Variants in KDM4B observed in about 807,000 individuals in gnomAD.
The protein encoded by KDM4B is lysine-specific demethylase 4B.
KDM4B carries 32 observed loss-of-function variants against 125.2 expected under a neutral mutation model. The observed-to-expected ratio is 0.26, with a 90% CI of 0.19 to 0.34. KDM4B has a LOEUF of 0.34. Ranked by LOEUF, KDM4B falls within the 10% of genes least tolerant of loss-of-function variation. The pLI, the probability that KDM4B is intolerant of heterozygous loss-of-function variation, is 1.00. For synonymous variants in KDM4B, 721 were observed against 677.9 expected (o/e 1.06, Z -0.99); for missense variants, 1,190 against 1,577.7 (o/e 0.75, Z 4.16).
intron 5 of KDM4B, among the ~76,000 whole-genome samples, chr19:5,043,935 G>C (rs2036932989): frequency 1.5e-5 from 2 of 129,106 alleles, no homozygotes; most frequent in Non-Finnish European, 1.7e-5. Context: ...TTATCGGAGT[G>C]GGGGTGTCCA....
intron 1 of KDM4B, among the ~76,000 whole-genome samples, chr19:4,994,020 GTTTT>G (rs55641886): frequency 1.5e-5 from 1 of 66,704 alleles, no homozygotes; most frequent in Non-Finnish European, 2.7e-5. Flanking sequence ...TTTTCAGCCT[GTTTT>G]TTTTTTTTTT....
chr19:5,008,167 C>T (rs2035618439), intron 1 of KDM4B, among the ~76,000 whole-genome samples: 1 of 152,148 alleles, frequency 6.6e-6, no homozygotes, highest in African/African-American at 2.4e-5. Context: ...AGATCTATGA[C>T]CTATTTGGAA....
In KDM4B at chr19:5,144,317, C is replaced by T. The variant is rs748729128; in HGVS notation, c.2806C>T (p.Arg936Cys). 1.3e-5 allele frequency: 21 copies of T among 1,586,222 alleles called. No homozygotes were observed. The highest frequency in any genetic ancestry group is 5.4e-5 in the African/African-American group (4 of 74,416). The change falls in exon 20 of 23, where the codon CGC becomes TGC. Residue 936 changes from arginine to cysteine, a missense_variant. Coordinates refer to ENST00000159111, the MANE Select transcript of KDM4B (RefSeq NM_015015.3). ...ITKNRNGLYY[R>C]CRVIGAASQT... is the part of the protein sequence containing the mutation. ...CAAGAACCGCAACGGGCTGTACTAC[C>T]GCTGTCGCGTCATCGGTGCCGCCTC...
chr19:5,041,982 A>C (rs1426245162), intron 5 of KDM4B, among the ~76,000 whole-genome samples: 1 of 152,146 alleles, frequency 6.6e-6, no homozygotes, highest in Non-Finnish European at 1.5e-5. Flanking sequence ...GACACGGAGG[A>C]TTCTGTTCAG....
At position 5,047,345 on chromosome 19, in the gene KDM4B, G is replaced by T. The variant is rs2037058169; in HGVS notation, c.433-131G>T. Reference sequence around the variant, plus strand: ...CAGGGTATGACCGGCCCCTGGGGGGGCCGCAGATACTGGGGTGGAGGAGGA... The same window carrying T: ...CAGGGTATGACCGGCCCCTGGGGGGTCCGCAGATACTGGGGTGGAGGAGGA... On this transcript the variant is annotated intron_variant, in intron 5 of 22. Coordinates refer to ENST00000159111, the MANE Select transcript of KDM4B (RefSeq NM_015015.3). The T allele has an allele frequency of 9.0e-6, 7 of 774,562 alleles. No homozygotes were observed. In the South Asian group the frequency reaches 1.2e-4, roughly 14 times the overall value. 48.0% of individuals were successfully genotyped at this position (774,562 alleles called of 1,614,324 possible). A position where few individuals can be genotyped will look rare whatever the true frequency, so the allele number is the denominator to read the frequency against.
intron 5 of KDM4B, among the ~76,000 whole-genome samples, chr19:5,041,463 CT>C (rs2036813885): frequency 2.0e-5 from 3 of 152,144 alleles, no homozygotes; most frequent in African/African-American, 7.2e-5. Flanking sequence ...CTGCCTCACC[CT>C]GCAGCCCCCA....
At chr19:5,075,281 C>CG (rs1446062189) in intron 7 of KDM4B, 1 of 152,318 alleles carries the variant, frequency 6.6e-6, no homozygotes, top group Non-Finnish European at 1.5e-5. Context: ...GTGTTGGTTC[C>CG]GGGGGCCCGG....
At position 5,024,778 on chromosome 19, in the gene KDM4B, G is replaced by A. The variant is rs61531565; in HGVS notation, c.-25-8088G>A. ...AGCCTGACCAACATGGTGAAACCTC[G>A]TCCTACTAAAAATACAAAAATTAGC... On this transcript the variant is annotated intron_variant, in intron 2 of 22. Coordinates refer to ENST00000159111, the MANE Select transcript of KDM4B (RefSeq NM_015015.3). Among the ~76,000 whole-genome samples, 251 of 152,084 alleles carry A rather than the reference G, an allele frequency of 1.7e-3. 3 individuals are homozygous for A. The highest frequency in any genetic ancestry group is 5.6e-3 in the African/African-American group (231 of 41,494).
intron 2 of KDM4B, among the ~76,000 whole-genome samples, chr19:5,018,146 C>G (rs765744174): frequency 2.0e-5 from 3 of 152,196 alleles, no homozygotes; most frequent in Non-Finnish European, 4.4e-5. Context: ...TCAAGGGATC[C>G]TCCCGCCTCA....
chr19:5,053,066 C>T (rs1434556952), intron 6 of KDM4B, among the ~76,000 whole-genome samples: 2 of 152,238 alleles, frequency 1.3e-5, no homozygotes, highest in South Asian at 2.1e-4. Context: ...GTAGCCTGAG[C>T]TGAGCACTGG....
At chr19:5,047,713 C>G in intron 6 of KDM4B, 44 bp downstream of exon 6, 1 of 1,584,562 alleles carries the variant, frequency 6.3e-7, no homozygotes, top group Non-Finnish European at 8.6e-7. Flanking sequence ...ACCGAGAGCC[C>G]CTCGGGAGGG....
At chr19:5,131,641 G>GT in intron 12 of KDM4B, 96 bp downstream of exon 12, 1 of 575,888 alleles carries the variant, frequency 1.7e-6, no homozygotes, top group Admixed American at 3.2e-5. Flanking sequence ...GGTGGCGGGG[G>GT]AGGGGGCAGG....
At chr19:5,101,781 C>T (rs2038940481) in intron 9 of KDM4B, among the ~76,000 whole-genome samples, 1 of 151,876 alleles carries the variant, frequency 6.6e-6, no homozygotes, top group African/African-American at 2.4e-5. Flanking sequence ...CCCGGGGATA[C>T]CTGGGTGGGC....
chr19:5,000,417 C>T (rs2035349158), intron 1 of KDM4B, among the ~76,000 whole-genome samples: 1 of 151,728 alleles, frequency 6.6e-6, no homozygotes, highest in Admixed American at 6.6e-5. Flanking sequence ...ATCCATCCAT[C>T]CGTACATCCA....
intron 13 of KDM4B, 57 bp from the exon 14 acceptor site, chr19:5,133,826 T>C (rs2039600469): frequency 6.3e-7 from 1 of 1,582,130 alleles, no homozygotes; most frequent in Non-Finnish European, 8.6e-7. Context: ...GGTGATTCCT[T>C]GGACGAGTTT....
At chr19:5,097,309 G>A (rs1293703602) in intron 9 of KDM4B, among the ~76,000 whole-genome samples, 1 of 152,200 alleles carries the variant, frequency 6.6e-6, no homozygotes, top group Non-Finnish European at 1.5e-5. Flanking sequence ...GGAGTGCAGT[G>A]GTGCGATCAT....
chr19:4,992,907 A>G lies in KDM4B; in HGVS notation c.-108-23350A>G, dbSNP rs1162839241. ...AAATTACTTTCTGTTGTTGATTTCT[A>G]ATTTCCATTGTGGTTGGAGAACTTA... On this transcript the variant is annotated intron_variant, in intron 1 of 22. Coordinates refer to ENST00000159111, the MANE Select transcript of KDM4B (RefSeq NM_015015.3). Among the ~76,000 whole-genome samples, 5 of 152,196 alleles carry G rather than the reference A, an allele frequency of 3.3e-5. No homozygotes were observed. In the South Asian group the frequency reaches 1.0e-3, roughly 31 times the overall value.
At chr19:4,986,821 A>G (rs553150617) in intron 1 of KDM4B, among the ~76,000 whole-genome samples, 14 of 152,236 alleles carry the variant, frequency 9.2e-5, no homozygotes, top group African/African-American at 3.4e-4. Context: ...GGCGCAGCTC[A>G]CTGAGCTGGC....
At chr19:5,077,720 C>T (rs1193504753) in intron 8 of KDM4B, 1 of 479,108 alleles carries the variant, frequency 2.1e-6, no homozygotes, top group East Asian at 3.7e-5. Context: ...AAAACTTCCT[C>T]CTGGGTGTGG....
Sources: allele counts gnomAD v4.1 joint callset (sites outside exome capture counted in the v4.1 genomes callset), GRCh38; gene constraint gnomAD v4.1.1; transcripts MANE v1.5; gene names NCBI Gene and HGNC (gene_info 2026-07-23, HGNC 2026-07-21).